The following MEF2C variants were observed in gnomAD, a reference collection of about 807,000 sequenced individuals.
MEF2C encodes the protein myocyte-specific enhancer factor 2C.
A neutral mutation model predicts 50.5 loss-of-function variants in MEF2C; 6 were observed. The observed-to-expected ratio is 0.12, with a 90% confidence interval of 0.07 to 0.23. MEF2C has a LOEUF of 0.23. MEF2C is among the 10% of genes least tolerant of loss of function. MEF2C has a pLI of 1.00. For synonymous variants in MEF2C, 183 were observed against 228.0 expected (o/e 0.80, Z 1.78); for missense variants, 276 against 605.0 (o/e 0.46, Z 5.70).
chr5:88,747,068 A>G (rs1770071809), intron 6 of MEF2C, among the ~76,000 whole-genome samples: 1 of 152,230 alleles, frequency 6.6e-6, no homozygotes, highest in Non-Finnish European at 1.5e-5. Context: ...TGCTAAGTGC[A>G]TAAGATTTTG....
intron 1 of MEF2C, among the ~76,000 whole-genome samples, chr5:88,826,885 C>A (rs79353959): frequency 1.4e-5 from 2 of 147,624 alleles, no homozygotes; most frequent in East Asian, 4.0e-4. Flanking sequence ...AATGACAGAG[C>A]TACATATAAA....
intron 1 of MEF2C, among the ~76,000 whole-genome samples, chr5:88,899,692 T>A (rs901659714): frequency 1.3e-5 from 2 of 152,180 alleles, no homozygotes; most frequent in African/African-American, 4.8e-5. Context: ...AGGGCAATGA[T>A]TAAACTTGCC....
intron 1 of MEF2C, among the ~76,000 whole-genome samples, chr5:88,865,295 A>G (rs549495845): frequency 2.0e-5 from 3 of 152,278 alleles, no homozygotes; most frequent in Admixed American, 2.0e-4. Flanking sequence ...TATACCTATG[A>G]CCTTGTCACT....
At chr5:88,807,002 A>C (rs1367106235) in intron 2 of MEF2C, among the ~76,000 whole-genome samples, 1 of 152,238 alleles carries the variant, frequency 6.6e-6, no homozygotes, top group African/African-American at 2.4e-5. Flanking sequence ...CAATTGATGT[A>C]TGTATATATG....
At chr5:88,811,291 T>C (rs545845088) in intron 2 of MEF2C, among the ~76,000 whole-genome samples, 5 of 152,254 alleles carry the variant, frequency 3.3e-5, no homozygotes, top group South Asian at 4.1e-4. Flanking sequence ...GAAGCATATG[T>C]CCATGCGAAG....
chr5:88,738,029 A>G, intron 6 of MEF2C: 1 of 985,354 alleles, frequency 1.0e-6, no homozygotes, highest in Non-Finnish European at 1.2e-6. Context: ...ATGAGAAATG[A>G]TGTCTGAATG....
chr5:88,891,294 CA>C (rs1834521772), intron 1 of MEF2C, among the ~76,000 whole-genome samples: 1 of 150,326 alleles, frequency 6.7e-6, no homozygotes, highest in Non-Finnish European at 1.5e-5. Context: ...AAATTTTTAG[CA>C]AAGCATAATC....
intron 5 of MEF2C, chr5:88,749,617 C>T (rs183370564): frequency 1.7e-4 from 77 of 459,988 alleles, no homozygotes; most frequent in East Asian, 1.1e-3. Flanking sequence ...AATTTTTCAC[C>T]GGCCACAGAT....
At chr5:88,806,916 T>C (rs1581018009) in intron 2 of MEF2C, among the ~76,000 whole-genome samples, 1 of 152,092 alleles carries the variant, frequency 6.6e-6, no homozygotes, top group South Asian at 2.1e-4. Context: ...CCAGTAGACA[T>C]GTGTGGGCAC....
At chr5:88,790,660 T>G (rs987655756) in intron 3 of MEF2C, among the ~76,000 whole-genome samples, 1 of 152,136 alleles carries the variant, frequency 6.6e-6, no homozygotes, top group African/African-American at 2.4e-5. Context: ...CAACATTTAC[T>G]CACTCTAGCT....
At chr5:88,834,421 A>T (rs1049564018) in intron 1 of MEF2C, among the ~76,000 whole-genome samples, 30 of 152,180 alleles carry the variant, frequency 2.0e-4, no homozygotes, top group African/African-American at 7.0e-4. Context: ...AGTCACAGAG[A>T]CATGAAGTTG....
intron 1 of MEF2C, among the ~76,000 whole-genome samples, chr5:88,875,261 G>A (rs1028229042): frequency 6.6e-6 from 1 of 151,896 alleles, no homozygotes; most frequent in Non-Finnish European, 1.5e-5. Context: ...AAACAAATCT[G>A]AAAACTAAAA....
At chr5:88,739,222 T>A in intron 6 of MEF2C, 2 of 980,938 alleles carry the variant, frequency 2.0e-6, no homozygotes, top group Non-Finnish European at 2.4e-6. Flanking sequence ...GTTAATAGTA[T>A]CTGATTTTGA....
chr5:88,737,118 G>T, intron 6 of MEF2C: 34 of 985,238 alleles, frequency 3.5e-5, no homozygotes, highest in Non-Finnish European at 4.1e-5. Flanking sequence ...GCACTAAAAG[G>T]TAAGTTATTG....
At chr5:88,868,929 A>G (rs1013019751) in intron 1 of MEF2C, among the ~76,000 whole-genome samples, 11 of 152,056 alleles carry the variant, frequency 7.2e-5, no homozygotes, top group African/African-American at 2.4e-4. Context: ...TATAAAATCA[A>G]CTTACAATAG....
chr5:88,805,939 T>C (rs1450106849), intron 2 of MEF2C, among the ~76,000 whole-genome samples: 1 of 149,296 alleles, frequency 6.7e-6, no homozygotes, highest in African/African-American at 2.5e-5. Flanking sequence ...ATTCATTCTG[T>C]AGAGTACTGT....
chr5:88,740,349 G>A, intron 6 of MEF2C: 1 of 984,990 alleles, frequency 1.0e-6, no homozygotes, highest in Non-Finnish European at 1.2e-6. Context: ...GTGAGGGAGA[G>A]GTAAAGAAAT....
rs574111432 is a variant in MEF2C at position 88,773,921 on chromosome 5, A to G, written c.259-12593T>C. Reference sequence around the variant, plus strand: ...GTGTTTTCACTGTATTGGTTCATATACTGGCAAACCTTCTGCTTAACAGAG... The same window carrying G: ...GTGTTTTCACTGTATTGGTTCATATGCTGGCAAACCTTCTGCTTAACAGAG... On this transcript the variant is annotated intron_variant, in intron 3 of 10. Coordinates refer to ENST00000504921, the MANE Select transcript of MEF2C (RefSeq NM_002397.5). Among the ~76,000 whole-genome samples, 10 of 152,324 alleles carry G rather than the reference A, an allele frequency of 6.6e-5. No homozygotes were observed. The East Asian group carries it at 1.9e-3, about 29-fold the overall frequency.
At chr5:88,833,033 T>C (rs1410744615) in intron 1 of MEF2C, among the ~76,000 whole-genome samples, 1 of 152,122 alleles carries the variant, frequency 6.6e-6, no homozygotes, top group African/African-American at 2.4e-5. Flanking sequence ...AACCAACAGA[T>C]GTTAACTGCA....
Sources: allele counts gnomAD v4.1 joint callset (sites outside exome capture counted in the v4.1 genomes callset), GRCh38; gene constraint gnomAD v4.1.1; transcripts MANE v1.5; gene names NCBI Gene and HGNC (gene_info 2026-07-23, HGNC 2026-07-21).